Variants in TBC1D15 observed in about 807,000 individuals in gnomAD.
TBC1D15 encodes GAP for RAB7.
A neutral mutation model predicts 95.4 loss-of-function variants in TBC1D15; 39 were observed. That is an observed-to-expected ratio of 0.41 (90% confidence interval 0.32 to 0.53). The LOEUF (loss-of-function observed/expected upper bound fraction) is 0.53, where lower values mean the gene tolerates loss of function less well. Ranked by LOEUF, TBC1D15 falls within the 20% of genes least tolerant of loss-of-function variation. TBC1D15 has a pLI of 0.29. For missense variants in TBC1D15, 733 were observed against 794.3 expected, an observed-to-expected ratio of 0.92 and a Z score of 0.93; for synonymous variants, 258 against 261.3, an observed-to-expected ratio of 0.99 and a Z score of 0.12.
chr12:71,911,677 GA>G (rs1902391390), intron 11 of TBC1D15, among the ~76,000 whole-genome samples: 1 of 151,144 alleles, frequency 6.6e-6, no homozygotes, highest in South Asian at 2.1e-4. Context: ...AATGCTAAAT[GA>G]TGAATTAATG....
At chr12:71,906,580 A>C (rs1900760989) in intron 10 of TBC1D15, among the ~76,000 whole-genome samples, 1 of 152,148 alleles carries the variant, frequency 6.6e-6, no homozygotes, top group East Asian at 1.9e-4. Context: ...TAATAAATGC[A>C]GTAATTGTGA....
chr12:71,865,895 T>C (rs1447091965), intron 1 of TBC1D15, among the ~76,000 whole-genome samples: 4 of 152,042 alleles, frequency 2.6e-5, no homozygotes, highest in Non-Finnish European at 5.9e-5. Context: ...CACATTTCCC[T>C]GGGACGGAAG....
intron 1 of TBC1D15, among the ~76,000 whole-genome samples, chr12:71,870,588 T>C (rs754435310): frequency 3.9e-5 from 6 of 152,214 alleles, no homozygotes; most frequent in Non-Finnish European, 7.3e-5. Flanking sequence ...GTAAAAGTAA[T>C]GTGGAACCTT....
At chr12:71,880,695 CAGTG>C (rs1228026952) in intron 4 of TBC1D15, 88 bp downstream of exon 4, 3 of 1,368,004 alleles carry the variant, frequency 2.2e-6, no homozygotes, top group Non-Finnish European at 2.9e-6. Flanking sequence ...GAATGCTCCT[CAGTG>C]AGAAGGATGA....
intron 3 of TBC1D15, among the ~76,000 whole-genome samples, chr12:71,878,534 T>A (rs1389851936): frequency 6.6e-6 from 1 of 151,430 alleles, no homozygotes; most frequent in Non-Finnish European, 1.5e-5. Context: ...GTTTTTTTTT[T>A]TGGAGGAGTC....
rs544066730 is a variant in TBC1D15 at position 71,847,795 on chromosome 12, T to G, written c.30+7984T>G. Among the ~76,000 whole-genome samples the G allele has an allele frequency of 9.2e-5, 14 of 152,078 alleles. No individual in the cohort carries two copies. In the East Asian group the frequency reaches 2.5e-3, roughly 28 times the overall value. ...ATTTGGGTTATTTCCACTTTGACTGTTACAAATAAAGCTGCTCTTAGGCCA... is the reference window on the plus strand; with the variant it reads ...ATTTGGGTTATTTCCACTTTGACTGGTACAAATAAAGCTGCTCTTAGGCCA... On this transcript the variant is annotated intron_variant, in intron 1 of 16. Transcript: ENST00000485960.
chr12:71,840,056 G>T (rs577565701), intron 1 of TBC1D15, among the ~76,000 whole-genome samples: 1 of 152,204 alleles, frequency 6.6e-6, no homozygotes, highest in Non-Finnish European at 1.5e-5. Context: ...CCAGAGCAGA[G>T]AGGCTTTTAT....
At chr12:71,914,540 A>G (rs905425848) in intron 12 of TBC1D15, among the ~76,000 whole-genome samples, 2 of 152,160 alleles carry the variant, frequency 1.3e-5, no homozygotes, top group African/African-American at 4.8e-5. Flanking sequence ...GAATATTGAC[A>G]GGAAAATAAA....
Position 71,902,770 on chromosome 12 carries a change from A to G in TBC1D15, c.1184-4252A>G, listed in dbSNP as rs7965232. Reference sequence around the variant, plus strand: ...CTTGTGTACAGCAAAAGAAACTATCAATCAACAGGGTAAACAGACAAGCTA... The same window carrying G: ...CTTGTGTACAGCAAAAGAAACTATCGATCAACAGGGTAAACAGACAAGCTA... On this transcript the variant is annotated intron_variant, in intron 10 of 16. Coordinates refer to ENST00000485960, the MANE Select transcript of TBC1D15 (RefSeq NM_001146213.3). Among the ~76,000 whole-genome samples the G allele has an allele frequency of 5.8e-3, 886 of 152,280 alleles. 10 individuals are homozygous for G. Among genetic ancestry groups the G allele is most frequent in the African/African-American group, 0.021 (853 of 41,552 alleles).
intron 10 of TBC1D15, 71 bp from the exon 11 acceptor site, chr12:71,906,951 T>C: frequency 1.1e-6 from 1 of 936,340 alleles, no homozygotes; most frequent in Admixed American, 2.5e-5. Context: ...ACTCTGTACT[T>C]GTAAGATGTG....
intron 5 of TBC1D15, among the ~76,000 whole-genome samples, chr12:71,887,357 T>C (rs1359820208): frequency 2.0e-5 from 3 of 152,164 alleles, no homozygotes; most frequent in African/African-American, 7.2e-5. Flanking sequence ...ATGAAAAATA[T>C]TTCATTGAAG....
Position 71,917,700 on chromosome 12 carries a change from T to A in TBC1D15, c.1404T>A (p.His468Gln). 1 of 1,601,820 alleles carries A rather than the reference T, an allele frequency of 6.2e-7. No individual in the cohort carries two copies. Among genetic ancestry groups the A allele is most frequent in the Admixed American group, 1.7e-5 (1 of 59,872 alleles). The part of the protein sequence containing the change: ...WCFASYMDQM[H>Q]QNFEEQMQGM... ...GTAACAATTATTTCCTTTTAAAGCATCAGAATTTTGAAGAACAAATGCAAG... is the reference window on the plus strand; with the variant it reads ...GTAACAATTATTTCCTTTTAAAGCAACAGAATTTTGAAGAACAAATGCAAG... Residue 468 changes from histidine (H) to glutamine (Q), a missense_variant and splice_region_variant, in exon 13 of 17, where the codon CAT (histidine) becomes CAA (glutamine). Coordinates refer to ENST00000485960, the MANE Select transcript of TBC1D15 (RefSeq NM_001146213.3).
intron 14 of TBC1D15, among the ~76,000 whole-genome samples, chr12:71,919,656 G>GT (rs1268421314): frequency 6.6e-6 from 1 of 152,110 alleles, no homozygotes; most frequent in African/African-American, 2.4e-5. Context: ...GTACTTAAAT[G>GT]TTTATCAGTT....
At chr12:71,911,016 G>T (rs997566030) in intron 11 of TBC1D15, among the ~76,000 whole-genome samples, 2 of 152,084 alleles carry the variant, frequency 1.3e-5, no homozygotes, top group African/African-American at 4.8e-5. Flanking sequence ...AAAAACACAC[G>T]AAAAAATGCT....
At position 71,896,736 on chromosome 12, in the gene TBC1D15, G is replaced by A; in HGVS notation, c.1044G>A (p.Trp348Ter). Residue 348 changes from tryptophan (W) to a stop codon, truncating the protein, a stop_gained, in exon 9 of 17, where the codon TGG becomes TGA. Transcript: ENST00000485960. LOFTEE classifies it high-confidence loss of function. ...AATTTCTTCTGGGTTATTTTCCCTG[G>A]GACAGTACCAAGGAGGAAAGAACCC... The part of the protein sequence containing the change: ...AWKFLLGYFP[W>*]DSTKEERTQL... 4 of 1,612,656 alleles carry A rather than the reference G, an allele frequency of 2.5e-6. No individual in the cohort carries two copies. Among genetic ancestry groups the A allele is most frequent in the Admixed American group, 3.3e-5 (2 of 59,894 alleles).
At chr12:71,854,549 G>A in intron 1 of TBC1D15, 1 of 456,310 alleles carries the variant, frequency 2.2e-6, no homozygotes. Context: ...TTTCTGTTCT[G>A]TACCTTCTGA....
chr12:71,923,183 C>G lies in TBC1D15; in HGVS notation c.2004C>G (p.Val668=), dbSNP rs1248171012. The change falls in exon 17 of 17, where the codon GTC becomes GTG. Residue 668 remains valine (V), a synonymous_variant. Coordinates refer to ENST00000485960, the MANE Select transcript of TBC1D15 (RefSeq NM_001146213.3). ...SPTQIPVSSD[V]CRLTPA ...CACAGATACCAGTGTCCTCAGATGT[C>G]TGCAGATTAACACCTGCATGATCAC... is the stretch of plus-strand genomic sequence containing the variant. 1.2e-6 allele frequency: 2 copies of G among 1,614,180 alleles called. No homozygotes were observed. The highest frequency in any genetic ancestry group is 2.2e-5 in the South Asian group (2 of 91,090).
At chr12:71,912,524 GC>G (rs1298543240) in intron 11 of TBC1D15, among the ~76,000 whole-genome samples, 5 of 152,044 alleles carry the variant, frequency 3.3e-5, no homozygotes, top group Admixed American at 6.6e-5. Flanking sequence ...TGATCTGAGT[GC>G]TTCTGTCTGT....
chr12:71,846,683 A>C, intron 1 of TBC1D15, among the ~76,000 whole-genome samples: 1 of 147,362 alleles, frequency 6.8e-6, no homozygotes, highest in African/African-American at 2.5e-5. Flanking sequence ...TCATGTATGT[A>C]TGTATTTATT....
Sources: gnomAD v4.1 joint callset for allele counts (sites outside exome capture counted in the v4.1 genomes callset) on GRCh38, gnomAD v4.1.1 for gene constraint, MANE v1.5 for transcripts, NCBI Gene and HGNC (gene_info 2026-07-23, HGNC 2026-07-21) for gene names.